The following NHEJ1 variants were observed in gnomAD, a reference collection of about 807,000 sequenced individuals.
NHEJ1 encodes non-homologous end joining factor 1.
NHEJ1 carries 22 observed loss-of-function variants against 39.4 expected under a neutral mutation model. That is an observed-to-expected ratio of 0.56 (90% CI 0.40 to 0.80). The LOEUF is 0.80. Ranked by LOEUF, NHEJ1 falls within the 30% of genes least tolerant of loss-of-function variation. The pLI is 0.00. For synonymous variants in NHEJ1, 154 were observed against 135.6 expected, an observed-to-expected ratio of 1.14 and a Z score of -0.94; for missense variants, 329 against 357.1, an observed-to-expected ratio of 0.92 and a Z score of 0.63.
intron 5 of NHEJ1, among the ~76,000 whole-genome samples, chr2:219,137,582 AAAAAAAAAAAC>A (rs1376634749): frequency 2.1e-5 from 3 of 140,552 alleles, no homozygotes; most frequent in Middle Eastern, 3.4e-3. Flanking sequence ...AAAAAAAAAA[AAAAAAAAAAAC>A]AAAAAAAACT....
intron 1 of NHEJ1, chr2:219,159,301 G>A (rs943251500): frequency 1.3e-5 from 2 of 151,770 alleles, no homozygotes; most frequent in Non-Finnish European, 2.9e-5. Context: ...TCAGAACTAC[G>A]GCTGCTTGAC....
At position 219,075,619 on chromosome 2, in the gene NHEJ1, G is replaced by T. The variant is rs1329203338; in HGVS notation, c.*762C>A. The stretch of plus-strand genomic sequence containing the variant: ...ATACAAAAATTAGCTAGGTGTGGTG[G>T]TGTGTGCCTTTAGTCCCAGTTATGC... On this transcript the variant is annotated 3_prime_UTR_variant, in exon 8 of 8. Transcript: ENST00000356853. 1 of 152,240 alleles carries T rather than the reference G, an allele frequency of 6.6e-6. No homozygotes were observed. The highest frequency in any genetic ancestry group is 1.5e-5 in the Non-Finnish European group (1 of 68,094). 9.4% of individuals were successfully genotyped at this position (152,240 alleles called of 1,614,324 possible).
chr2:219,158,623 T>C (rs936103255), intron 1 of NHEJ1, among the ~76,000 whole-genome samples: 5 of 152,268 alleles, frequency 3.3e-5, no homozygotes, highest in African/African-American at 1.2e-4. Flanking sequence ...CTTTCTTCCA[T>C]AGTGTTTAAA....
At chr2:219,159,838 T>C (rs141280529) in intron 1 of NHEJ1, among the ~76,000 whole-genome samples, 161 of 152,026 alleles carry the variant, frequency 1.1e-3, no homozygotes, top group African/African-American at 3.2e-3. Flanking sequence ...CTCTTAACAG[T>C]TGCCAAAATT....
chr2:219,156,379 G>T (rs1254466770), intron 3 of NHEJ1, among the ~76,000 whole-genome samples: 2 of 152,212 alleles, frequency 1.3e-5, no homozygotes, highest in African/African-American at 4.8e-5. Context: ...AGAAAAAAAT[G>T]ATGTCCTCTT....
At chr2:219,112,566 A>T (rs1384661068) in intron 5 of NHEJ1, among the ~76,000 whole-genome samples, 1 of 152,114 alleles carries the variant, frequency 6.6e-6, no homozygotes, top group Non-Finnish European at 1.5e-5. Flanking sequence ...ACACACCTAG[A>T]CCCTTCTCTT....
intron 5 of NHEJ1, among the ~76,000 whole-genome samples, chr2:219,079,640 A>G (rs1035447480): frequency 6.6e-6 from 1 of 152,222 alleles, no homozygotes; most frequent in Non-Finnish European, 1.5e-5. Flanking sequence ...TAATCACACT[A>G]GAGTCTAACA....
At chr2:219,107,703 G>A (rs1216775168) in intron 5 of NHEJ1, among the ~76,000 whole-genome samples, 1 of 152,098 alleles carries the variant, frequency 6.6e-6, no homozygotes, top group Non-Finnish European at 1.5e-5. Context: ...TGCCCTGCAG[G>A]TATTTCCCAT....
At chr2:219,093,778 T>C (rs1379376095) in intron 5 of NHEJ1, among the ~76,000 whole-genome samples, 4 of 152,234 alleles carry the variant, frequency 2.6e-5, no homozygotes, top group South Asian at 2.1e-4. Context: ...AAATATTTTA[T>C]AGTAAAAATA....
intron 5 of NHEJ1, among the ~76,000 whole-genome samples, chr2:219,139,969 G>A (rs932744000): frequency 1.2e-4 from 18 of 152,198 alleles, no homozygotes; most frequent in Non-Finnish European, 2.1e-4. Context: ...GTAAGCCACC[G>A]CACCCAGCCT....
At chr2:219,097,237 TG>T (rs1186441223) in intron 5 of NHEJ1, among the ~76,000 whole-genome samples, 1 of 152,206 alleles carries the variant, frequency 6.6e-6, no homozygotes, top group Non-Finnish European at 1.5e-5. Flanking sequence ...TTTATCAGGA[TG>T]TAACCCCATC....
chr2:219,132,723 T>TA (rs1279975193), intron 5 of NHEJ1, among the ~76,000 whole-genome samples: 1 of 152,182 alleles, frequency 6.6e-6, no homozygotes, highest in East Asian at 1.9e-4. Flanking sequence ...TCTGAACTCT[T>TA]ACCTCAAGAG....
intron 3 of NHEJ1, among the ~76,000 whole-genome samples, chr2:219,157,160 T>C (rs960653200): frequency 1.3e-5 from 2 of 152,226 alleles, no homozygotes; most frequent in African/African-American, 4.8e-5. Context: ...TTGTCTGTCT[T>C]CTCACTAGAT....
intron 5 of NHEJ1, among the ~76,000 whole-genome samples, chr2:219,087,612 G>C (rs1248176141): frequency 6.6e-6 from 1 of 152,116 alleles, no homozygotes; most frequent in Non-Finnish European, 1.5e-5. Context: ...GAGGGTGACA[G>C]TGTCTTCTCT....
chr2:219,073,656 T>G lies in NHEJ1; in HGVS notation c.*2725A>C, dbSNP rs1006239732. On this transcript the variant is annotated 3_prime_UTR_variant, in exon 8 of 8. Transcript: ENST00000356853. Reference sequence around the variant, plus strand: ...GTCCCAAGTCCTGCTCCTGGTTTGCTGGCTTGCTCGTGTAAACCACCTTAT... The same window carrying G: ...GTCCCAAGTCCTGCTCCTGGTTTGCGGGCTTGCTCGTGTAAACCACCTTAT... 6.6e-6 allele frequency among the ~76,000 whole-genome samples: 1 copy of G among 152,224 alleles called. No homozygotes were observed. Among genetic ancestry groups the G allele is most frequent in the African/African-American group, 2.4e-5 (1 of 41,458 alleles).
intron 5 of NHEJ1, among the ~76,000 whole-genome samples, chr2:219,128,993 G>A (rs777157632): frequency 2.0e-5 from 3 of 152,212 alleles, no homozygotes; most frequent in Non-Finnish European, 2.9e-5. Flanking sequence ...CTTCCCTAGA[G>A]TTGTAGGTAA....
rs73072480 is a variant in NHEJ1, at chr2:219,094,657, G to C, written c.589-16451C>G. ...TTCACTAAGCAGGAGAGAATGCCCT[G>C]GTTACTCAATTTAGCATTTCCTAAC... On this transcript the variant is annotated intron_variant, in intron 5 of 7. Coordinates refer to ENST00000356853, the MANE Select transcript of NHEJ1 (RefSeq NM_024782.3). Among the ~76,000 whole-genome samples, 486 of 152,172 alleles carry C rather than the reference G, an allele frequency of 3.2e-3. 4 individuals carry two copies. Among genetic ancestry groups the C allele is most frequent in the African/African-American group, 0.011 (437 of 41,508 alleles).
chr2:219,088,858 G>A (rs1425174999), intron 5 of NHEJ1, among the ~76,000 whole-genome samples: 1 of 152,164 alleles, frequency 6.6e-6, no homozygotes, highest in Non-Finnish European at 1.5e-5. Flanking sequence ...TGTTACCCAG[G>A]CTGGAGTGCG....
At chr2:219,136,349 T>C (rs1949628496) in intron 5 of NHEJ1, among the ~76,000 whole-genome samples, 1 of 149,730 alleles carries the variant, frequency 6.7e-6, no homozygotes, top group Non-Finnish European at 1.5e-5. Context: ...AGTGCAGTGA[T>C]GCAATCTTGG....
Sources: allele counts gnomAD v4.1 joint callset (sites outside exome capture counted in the v4.1 genomes callset), GRCh38; gene constraint gnomAD v4.1.1; transcripts MANE v1.5; gene names NCBI Gene and HGNC (gene_info 2026-07-23, HGNC 2026-07-21).